Variants in ADAM32 observed in about 807,000 individuals in gnomAD.
ADAM32 encodes disintegrin and metalloproteinase domain-containing protein 32.
Under a neutral mutation model 114.9 loss-of-function variants are expected in ADAM32, and 89 were observed. The observed-to-expected ratio is 0.77, with a 90% CI of 0.65 to 0.92. The LOEUF (loss-of-function observed/expected upper bound fraction) is 0.92. Among genes scored for constraint, ADAM32 ranks in the 40% least tolerant of loss-of-function variants. The pLI is 0.00. For synonymous variants in ADAM32, 285 were observed against 307.5 expected (o/e 0.93, Z 0.77); for missense variants, 870 against 932.8 (o/e 0.93, Z 0.88).
intron 7 of ADAM32, among the ~76,000 whole-genome samples, chr8:39,163,713 C>T (rs952700352): frequency 6.6e-6 from 1 of 152,104 alleles, no homozygotes; most frequent in Admixed American, 6.6e-5. Flanking sequence ...TCTCATGGAG[C>T]ATGTAGTGTA....
intron 2 of ADAM32, among the ~76,000 whole-genome samples, chr8:39,134,331 G>A (rs537855512): frequency 5.7e-4 from 86 of 151,976 alleles, no homozygotes; most frequent in African/African-American, 2.0e-3. Context: ...GGCAGGGCCC[G>A]TGAAGGCTCA....
intron 1 of ADAM32, among the ~76,000 whole-genome samples, chr8:39,114,037 C>A (rs573550965): frequency 6.6e-6 from 1 of 152,238 alleles, no homozygotes; most frequent in South Asian, 2.1e-4. Context: ...CATGAACTAA[C>A]TAATGAGACT....
At chr8:39,239,751 A>G (rs545533204) in intron 16 of ADAM32, among the ~76,000 whole-genome samples, 2 of 152,332 alleles carry the variant, frequency 1.3e-5, no homozygotes, top group African/African-American at 4.8e-5. Flanking sequence ...ATGCAAATGG[A>G]CATGTAAAGT....
chr8:39,276,885 A>T (rs1462577606), intron 22 of ADAM32, among the ~76,000 whole-genome samples: 1 of 152,174 alleles, frequency 6.6e-6, no homozygotes, highest in Non-Finnish European at 1.5e-5. Context: ...AATAAAGGCT[A>T]TGTCTATCTT....
intron 11 of ADAM32, among the ~76,000 whole-genome samples, chr8:39,201,947 T>C (rs992067789): frequency 6.6e-6 from 1 of 152,238 alleles, no homozygotes; most frequent in African/African-American, 2.4e-5. Context: ...TTTGCATTGA[T>C]GAACCAGCCT....
intron 18 of ADAM32, among the ~76,000 whole-genome samples, chr8:39,256,037 C>T (rs761723161): frequency 2.6e-5 from 4 of 151,612 alleles, no homozygotes; most frequent in African/African-American, 7.3e-5. Flanking sequence ...GTTGGCTGTA[C>T]GTACTTGGCT....
chr8:39,132,438 A>G (rs1410662971), intron 2 of ADAM32, among the ~76,000 whole-genome samples: 1 of 152,240 alleles, frequency 6.6e-6, no homozygotes, highest in African/African-American at 2.4e-5. Context: ...CTCCAATATA[A>G]TGGAATTCTT....
chr8:39,108,977 C>G (rs1038926951), intron 1 of ADAM32, among the ~76,000 whole-genome samples: 2 of 152,142 alleles, frequency 1.3e-5, no homozygotes, highest in African/African-American at 4.8e-5. Flanking sequence ...CACTCTATGC[C>G]TAAAACCCTG....
intron 11 of ADAM32, among the ~76,000 whole-genome samples, chr8:39,209,960 A>G (rs1808102424): frequency 6.6e-6 from 1 of 152,230 alleles, no homozygotes; most frequent in African/African-American, 2.4e-5. Flanking sequence ...AGACCAGCAC[A>G]GTAATGGTTA....
At chr8:39,230,165 T>C (rs1395586731) in intron 14 of ADAM32, among the ~76,000 whole-genome samples, 1 of 152,154 alleles carries the variant, frequency 6.6e-6, no homozygotes, top group Non-Finnish European at 1.5e-5. Flanking sequence ...AATTACACCA[T>C]TTGGACTGTG....
At chr8:39,110,590 G>A (rs1840117916) in intron 1 of ADAM32, among the ~76,000 whole-genome samples, 2 of 152,180 alleles carry the variant, frequency 1.3e-5, no homozygotes, top group African/African-American at 4.8e-5. Context: ...TATGATAAGA[G>A]TATATTTAGT....
rs1057379079 is a variant in ADAM32 at position 39,196,976 on chromosome 8, T to C, written c.1052+9931T>C. 3.3e-5 allele frequency among the ~76,000 whole-genome samples: 5 copies of C among 152,114 alleles called. No homozygotes were observed. The East Asian group carries it at 7.7e-4, about 23-fold the overall frequency. On this transcript the variant is annotated intron_variant, in intron 11 of 24. Coordinates refer to ENST00000379907, the MANE Select transcript of ADAM32 (RefSeq NM_145004.7). ...GCAGTAAAGTCATGTGGTTATGGGC[T>C]TTCTTTGTTGGGAGACTTTTGATTA...
chr8:39,151,575 T>C (rs760341975), intron 6 of ADAM32, 27 bp downstream of exon 6: 1 of 1,418,360 alleles, frequency 7.1e-7, no homozygotes, highest in South Asian at 1.5e-5. Flanking sequence ...TTATTACTAC[T>C]TTTAAAGCAG....
chr8:39,267,886 T>C (rs1367926075), intron 19 of ADAM32, among the ~76,000 whole-genome samples: 3 of 152,184 alleles, frequency 2.0e-5, no homozygotes, highest in Non-Finnish European at 4.4e-5. Flanking sequence ...ACAGAGTGGT[T>C]AGCAGATGTG....
chr8:39,137,811 G>C (rs1243702021), intron 3 of ADAM32, among the ~76,000 whole-genome samples: 1 of 150,666 alleles, frequency 6.6e-6, no homozygotes, highest in Non-Finnish European at 1.5e-5. Flanking sequence ...TTTATTGTGT[G>C]TAAGATACTA....
At chr8:39,113,733 C>A (rs1035052409) in intron 1 of ADAM32, among the ~76,000 whole-genome samples, 8 of 152,278 alleles carry the variant, frequency 5.3e-5, no homozygotes, top group African/African-American at 1.7e-4. Context: ...AATATATAAG[C>A]ATGATGTCTT....
rs978388571 is a variant in ADAM32 at position 39,107,849 on chromosome 8, C to T, written c.58+16C>T. ...TCAAGACCCGGTGAGCCAGCCCAGA[C>T]CCTGACACTAGTCCGGGCGCTCGTC... On this transcript the variant is annotated intron_variant, in intron 1 of 24. Transcript: ENST00000379907. 1.5e-5 allele frequency: 23 copies of T among 1,531,252 alleles called. No homozygotes were observed. Among genetic ancestry groups the T allele is most frequent in the East Asian group, 1.0e-4 (4 of 39,698 alleles). The allele number at this position is 1,531,252 out of a possible 1,614,324, so 94.9% of individuals were successfully genotyped here.
At chr8:39,272,131 A>C (rs1315318677) in intron 20 of ADAM32, among the ~76,000 whole-genome samples, 1 of 151,578 alleles carries the variant, frequency 6.6e-6, no homozygotes, top group South Asian at 2.1e-4. Context: ...AGAAAGAAAG[A>C]AAGCAAAAGA....
rs898301740 is a variant in ADAM32, at chr8:39,221,512, TC to T, written c.1234-96del. ...ACTATCAGCAGCATTCATATCCTTTTCCAAATTCAAACAGTAAGCCCATCAA... is the reference window on the plus strand; with the variant it reads ...ACTATCAGCAGCATTCATATCCTTTTCAAATTCAAACAGTAAGCCCATCAA... On this transcript the variant is annotated intron_variant, in intron 12 of 24. Coordinates refer to ENST00000379907, the MANE Select transcript of ADAM32 (RefSeq NM_145004.7). 3 of 909,666 alleles carry T rather than the reference TC, an allele frequency of 3.3e-6. No individual in the cohort carries two copies. The African/African-American group carries it at 5.0e-5, about 15-fold the overall frequency. 56.3% of individuals were successfully genotyped at this position (909,666 alleles called of 1,614,324 possible). A position where few individuals can be genotyped will look rare whatever the true frequency, so the allele number is the denominator to read the frequency against.
Sources: gnomAD v4.1 joint callset for allele counts (sites outside exome capture counted in the v4.1 genomes callset) on GRCh38, gnomAD v4.1.1 for gene constraint, MANE v1.5 for transcripts, NCBI Gene and HGNC (gene_info 2026-07-23, HGNC 2026-07-21) for gene names.